The following POLQ variants were observed in gnomAD, a reference collection of about 807,000 sequenced individuals.
The protein encoded by POLQ is epididymis secretory sperm binding protein.
POLQ carries 233 observed loss-of-function variants against 259.2 expected under a neutral mutation model. That is an observed-to-expected ratio of 0.90 (90% CI 0.81 to 1.00). The LOEUF (loss-of-function observed/expected upper bound fraction) is 1.00, where lower values mean the gene tolerates loss of function less well. Among genes scored for constraint, POLQ ranks in the 50% least tolerant of loss-of-function variants. POLQ has a pLI of 0.00. For missense variants in POLQ, 2,871 were observed against 3,051.6 expected, an observed-to-expected ratio of 0.94 and a Z score of 1.39; for synonymous variants, 1,025 against 1,048.8, an observed-to-expected ratio of 0.98 and a Z score of 0.44.
Position 121,509,696 on chromosome 3 carries a change from C to T in POLQ, c.1824G>A (p.Val608=), listed in dbSNP as rs1192503662. Residue 608 remains valine, a synonymous_variant, in exon 12 of 30, where the codon GTG becomes GTA. Transcript: ENST00000264233. ...CCGAACCAAGATGTGTTGGATGATA[C>T]ACCTTTCCTGGTTTAGGGTTAGGGT... ...TEASDGTEGK[V]YHPTHLGSAT... 8.7e-6 allele frequency: 14 copies of T among 1,612,772 alleles called. No homozygotes were observed. The highest frequency in any genetic ancestry group is 1.1e-5 in the South Asian group (1 of 90,708).
rs191731328 is a variant in POLQ at position 121,459,451 on chromosome 3, G to A, written c.7152+599C>T. Among the ~76,000 whole-genome samples, 10 of 136,776 alleles carry A rather than the reference G, an allele frequency of 7.3e-5. No individual in the cohort carries two copies. In the East Asian group the frequency reaches 9.0e-4, roughly 12 times the overall value. The allele number at this position is 136,776 out of a possible 152,430, so 89.7% of individuals were successfully genotyped here. A position where few individuals can be genotyped will look rare whatever the true frequency, so the allele number is the denominator to read the frequency against. On this transcript the variant is annotated intron_variant, in intron 25 of 29. Transcript: ENST00000264233. Reference sequence around the variant, plus strand: ...GGCTGGAGTGCAGTGGCGCTATCTCGGCTCACTGCAAGCTCCGCCTCCTGG... The same window carrying A: ...GGCTGGAGTGCAGTGGCGCTATCTCAGCTCACTGCAAGCTCCGCCTCCTGG...
intron 14 of POLQ, chr3:121,494,877 A>C: frequency 6.3e-7 from 1 of 1,582,316 alleles, no homozygotes; most frequent in South Asian, 1.1e-5. Flanking sequence ...GAAAAGGCAA[A>C]GGCTAAAGAA....
chr3:121,444,184 G>C (rs972562987), intron 26 of POLQ, among the ~76,000 whole-genome samples: 1 of 151,934 alleles, frequency 6.6e-6, no homozygotes, highest in African/African-American at 2.4e-5. Context: ...ATTGACTTGG[G>C]GAGTATGAAC....
chr3:121,510,006 G>A (rs1252538828), intron 11 of POLQ, 33 bp downstream of exon 11: 2 of 1,522,888 alleles, frequency 1.3e-6, no homozygotes, highest in Admixed American at 3.3e-5. Flanking sequence ...AGAAGAAAAA[G>A]TGAGTAAATT....
intron 12 of POLQ, 138 bp downstream of exon 12, chr3:121,509,423 C>G (rs1345242952): frequency 1.9e-6 from 1 of 539,064 alleles, no homozygotes; most frequent in Non-Finnish European, 3.1e-6. Context: ...CTTCTTACCT[C>G]TTCTCTATTC....
chr3:121,526,094 A>G (rs2048371959), intron 7 of POLQ, among the ~76,000 whole-genome samples: 1 of 152,160 alleles, frequency 6.6e-6, no homozygotes, highest in Admixed American at 6.5e-5. Context: ...CCCTTGATCT[A>G]CAGACCAAAT....
At chr3:121,506,279 C>CAAAACAAAAACA (rs61483450) in intron 12 of POLQ, among the ~76,000 whole-genome samples, 41 of 150,214 alleles carry the variant, frequency 2.7e-4, no homozygotes, top group South Asian at 1.9e-3. Context: ...AAAAACAAAA[C>CAAAACAAAAACA]AAAACAAAAA....
chr3:121,493,518 C>T lies in POLQ; in HGVS notation c.2482G>A (p.Glu828Lys). Reference sequence around the variant, plus strand: ...GCATTTTTCAGAATCACCTCCACCTCCACAATATTTGCTCTAGCAAGGTCT... The same window carrying T: ...GCATTTTTCAGAATCACCTCCACCTTCACAATATTTGCTCTAGCAAGGTCT... ...VADLARANIV[E>K]VEVILKNAVP... The change falls in exon 15 of 30, where the codon GAG (glutamate) becomes AAG (lysine). Residue 828 changes from glutamate (E) to lysine (K), a missense_variant. Physicochemically the swap from Glu to Lys is moderately conservative, Grantham distance 56. This residue lies in a region of POLQ where 2,080 missense variants were observed against 2,126.0 expected (regional missense o/e 0.98). Transcript: ENST00000264233. 6.2e-7 allele frequency: 1 copy of T among 1,613,774 alleles called. No individual in the cohort carries two copies. The highest frequency in any genetic ancestry group is 8.5e-7 in the Non-Finnish European group (1 of 1,179,752).
intron 26 of POLQ, among the ~76,000 whole-genome samples, chr3:121,444,786 C>T (rs188309728): frequency 1.5e-3 from 230 of 152,052 alleles, no homozygotes; most frequent in Non-Finnish European, 2.7e-3. Flanking sequence ...TCTTGTAAAC[C>T]CAGTTTTTTG....
At position 121,539,627 on chromosome 3, in the gene POLQ, C is replaced by T. The variant is rs767970077; in HGVS notation, c.475-38G>A. On this transcript the variant is annotated intron_variant, in intron 3 of 29. Coordinates refer to ENST00000264233, the MANE Select transcript of POLQ (RefSeq NM_199420.4). Reference sequence around the variant, plus strand: ...AAAAGGAACAATACAGGTGAAAAAACTTGAAATTCAAGAGTTATAAACTGG... The same window carrying T: ...AAAAGGAACAATACAGGTGAAAAAATTTGAAATTCAAGAGTTATAAACTGG... 2.6e-6 allele frequency: 4 copies of T among 1,552,712 alleles called. No individual in the cohort carries two copies. In the African/African-American group the frequency reaches 5.5e-5, roughly 21 times the overall value.
chr3:121,513,199 T>C (rs1029819737), intron 9 of POLQ, among the ~76,000 whole-genome samples: 1 of 152,146 alleles, frequency 6.6e-6, no homozygotes, highest in Non-Finnish European at 1.5e-5. Context: ...GTACAGATTA[T>C]CCTTCCCAAT....
intron 24 of POLQ, among the ~76,000 whole-genome samples, chr3:121,464,274 C>G (rs2047817391): frequency 6.6e-6 from 1 of 152,060 alleles, no homozygotes; most frequent in South Asian, 2.1e-4. Flanking sequence ...CACCTGTAAT[C>G]CCAATAATTT....
In POLQ at chr3:121,529,784, C is replaced by T. The variant is rs1490793566; in HGVS notation, c.969G>A (p.Glu323=). The change falls in exon 7 of 30, where the codon GAG becomes GAA. Residue 323 remains glutamate (E), a synonymous_variant. Transcript: ENST00000264233. ...CATAACATAAACTAACAACATGGTCCTCATCTCCCTAAAACAGAAAGATAA... is the reference window on the plus strand; with the variant it reads ...CATAACATAAACTAACAACATGGTCTTCATCTCCCTAAAACAGAAAGATAA... ...FEPMLQVKGD[E]DHVVSLCYET... is the part of the protein sequence containing the mutation. The T allele has an allele frequency of 3.7e-6, 6 of 1,609,016 alleles. No homozygotes were observed. The highest frequency in any genetic ancestry group is 5.1e-6 in the Non-Finnish European group (6 of 1,177,710).
intron 14 of POLQ, among the ~76,000 whole-genome samples, chr3:121,496,316 T>C (rs1468183205): frequency 1.3e-5 from 2 of 151,660 alleles, no homozygotes; most frequent in Admixed American, 1.3e-4. Context: ...GCTGGGATTA[T>C]AAGCGCCCAC....
intron 12 of POLQ, among the ~76,000 whole-genome samples, chr3:121,502,772 T>C (rs1379812128): frequency 6.6e-6 from 1 of 152,192 alleles, no homozygotes; most frequent in African/African-American, 2.4e-5. Flanking sequence ...AAATACTAAG[T>C]ATAACAACGT....
At chr3:121,522,244 G>T (rs1156388455) in intron 7 of POLQ, 95 bp from the exon 8 acceptor site, 2 of 620,912 alleles carry the variant, frequency 3.2e-6, no homozygotes, top group Non-Finnish European at 5.0e-6. Context: ...GCAGGGGAAT[G>T]GTTCTGAAAC....
At chr3:121,460,481 C>T (rs962178761) in intron 24 of POLQ, among the ~76,000 whole-genome samples, 4 of 152,102 alleles carry the variant, frequency 2.6e-5, no homozygotes, top group Admixed American at 2.6e-4. Flanking sequence ...ATCTGCCCAC[C>T]GTGGAGTGTG....
intron 19 of POLQ, among the ~76,000 whole-genome samples, chr3:121,479,826 AT>A (rs1325418476): frequency 6.6e-6 from 1 of 152,210 alleles, no homozygotes; most frequent in Non-Finnish European, 1.5e-5. Context: ...AGTTATGAAT[AT>A]TGAAAAATGA....
chr3:121,432,534 C>A, intron 29 of POLQ, 117 bp from the exon 30 acceptor site: 2 of 913,402 alleles, frequency 2.2e-6, no homozygotes, highest in Non-Finnish European at 3.1e-6. Flanking sequence ...GCTTAAAATG[C>A]TAAATCAGAA....
Sources: allele counts gnomAD v4.1 joint callset (sites outside exome capture counted in the v4.1 genomes callset), GRCh38; gene constraint gnomAD v4.1.1; regional missense constraint gnomAD v4.1.1; transcripts MANE v1.5; gene names NCBI Gene and HGNC (gene_info 2026-07-23, HGNC 2026-07-21).